ANO3: variants seen among roughly 807,000 people sequenced by gnomAD.
ANO3 encodes anoctamin-3.
A neutral mutation model predicts 144.8 loss-of-function variants in ANO3; 99 were observed. That is an observed-to-expected ratio of 0.68 (90% CI 0.58 to 0.81). The LOEUF is 0.81. Ranked by LOEUF, ANO3 falls within the 30% of genes least tolerant of loss-of-function variation. ANO3 has a pLI of 0.00. For missense variants in ANO3, 905 were observed against 1,202.2 expected (o/e 0.75, Z 3.66); for synonymous variants, 414 against 392.6 (o/e 1.05, Z -0.64).
chr11:26,258,307 T>G (rs541696408), intron 1 of ANO3, among the ~76,000 whole-genome samples: 99 of 152,270 alleles, frequency 6.5e-4, no homozygotes, highest in African/African-American at 2.3e-3. Flanking sequence ...GAACAAAAAA[T>G]GTATTATAAT....
At chr11:26,528,612 C>T (rs1213066926) in intron 7 of ANO3, among the ~76,000 whole-genome samples, 1 of 152,074 alleles carries the variant, frequency 6.6e-6, no homozygotes. Context: ...TCCTGCTAGC[C>T]TCCTAATGAA....
intron 14 of ANO3, among the ~76,000 whole-genome samples, chr11:26,567,706 A>G (rs1268795970): frequency 6.6e-6 from 1 of 152,022 alleles, no homozygotes; most frequent in African/African-American, 2.4e-5. Flanking sequence ...TCTACTTAAA[A>G]ATAAAAGCTG....
intron 1 of ANO3, among the ~76,000 whole-genome samples, chr11:26,394,946 G>A (rs949164926): frequency 6.6e-6 from 1 of 152,078 alleles, no homozygotes; most frequent in Non-Finnish European, 1.5e-5. Flanking sequence ...CTCAGAATTA[G>A]TAATCAATAA....
At chr11:26,281,106 G>A (rs1564946780) in intron 1 of ANO3, among the ~76,000 whole-genome samples, 1 of 152,050 alleles carries the variant, frequency 6.6e-6, no homozygotes, top group African/African-American at 2.4e-5. Context: ...CTTAATTCTT[G>A]TTATAACCCT....
chr11:26,454,858 CA>C (rs1480373206), intron 3 of ANO3, among the ~76,000 whole-genome samples: 1 of 151,366 alleles, frequency 6.6e-6, no homozygotes, highest in African/African-American at 2.4e-5. Context: ...AGCAGCACAT[CA>C]AAAAGCTTAT....
chr11:26,325,425 A>T (rs1291511700), intron 1 of ANO3, among the ~76,000 whole-genome samples: 1 of 152,190 alleles, frequency 6.6e-6, no homozygotes, highest in Admixed American at 6.5e-5. Flanking sequence ...GTTTTACTGA[A>T]TATTTTCCAA....
chr11:26,330,378 CTG>C (rs1426570661), upstream of ANO3, among the ~76,000 whole-genome samples: 4 of 152,142 alleles, frequency 2.6e-5, no homozygotes, highest in Admixed American at 2.0e-4. Flanking sequence ...AGTCTCTGAA[CTG>C]TGTTTTAGAT....
At chr11:26,631,193 C>T (rs1852767223) in intron 18 of ANO3, among the ~76,000 whole-genome samples, 1 of 152,006 alleles carries the variant, frequency 6.6e-6, no homozygotes, top group Admixed American at 6.6e-5. Context: ...GGAGTCTTCT[C>T]TCTTTTCTCA....
At chr11:26,540,025 A>G (rs1214961336) in intron 10 of ANO3, among the ~76,000 whole-genome samples, 2 of 152,124 alleles carry the variant, frequency 1.3e-5, no homozygotes, top group Non-Finnish European at 2.9e-5. Flanking sequence ...CACCGCATAT[A>G]TTGTCCTCTT....
At chr11:26,263,057 G>T (rs1434770387) in intron 1 of ANO3, among the ~76,000 whole-genome samples, 3 of 152,072 alleles carry the variant, frequency 2.0e-5, no homozygotes, top group African/African-American at 7.2e-5. Context: ...CAATTTTGTT[G>T]CCCATATTCT....
chr11:26,564,290 T>C (rs1290417691), intron 14 of ANO3, among the ~76,000 whole-genome samples: 4 of 151,654 alleles, frequency 2.6e-5, no homozygotes, highest in African/African-American at 9.7e-5. Context: ...AAAAAGCCTA[T>C]ATTTCAGAAT....
At chr11:26,432,854 T>G (rs1858165332) in intron 1 of ANO3, among the ~76,000 whole-genome samples, 1 of 152,226 alleles carries the variant, frequency 6.6e-6, no homozygotes, top group Non-Finnish European at 1.5e-5. Context: ...AGGTTTATTC[T>G]TTTTGCTTAG....
At chr11:26,642,751 A>C (rs1853208915) in intron 22 of ANO3, among the ~76,000 whole-genome samples, 1 of 152,080 alleles carries the variant, frequency 6.6e-6, no homozygotes, top group Non-Finnish European at 1.5e-5. Context: ...TCTGAATCTT[A>C]ACTTCTGAAT....
At chr11:26,211,763 T>A (rs879885199) in intron 1 of ANO3, among the ~76,000 whole-genome samples, 1 of 152,228 alleles carries the variant, frequency 6.6e-6, no homozygotes, top group Non-Finnish European at 1.5e-5. Context: ...CTATAACATG[T>A]TTGTTTATTG....
At chr11:26,658,281 T>C (rs1853759798) in intron 26 of ANO3, among the ~76,000 whole-genome samples, 1 of 152,210 alleles carries the variant, frequency 6.6e-6, no homozygotes, top group African/African-American at 2.4e-5. Context: ...AATTATAAAA[T>C]ACTTCTGCAT....
At chr11:26,555,144 T>G (rs1360588309) in intron 13 of ANO3, among the ~76,000 whole-genome samples, 5 of 152,204 alleles carry the variant, frequency 3.3e-5, no homozygotes, top group Non-Finnish European at 5.9e-5. Context: ...GAACAAATGT[T>G]TAGTTTTTCA....
At chr11:26,259,358 T>C (rs1275681614) in intron 1 of ANO3, among the ~76,000 whole-genome samples, 2 of 151,988 alleles carry the variant, frequency 1.3e-5, no homozygotes, top group African/African-American at 4.8e-5. Context: ...GAATAGAAAG[T>C]GATAAAAATG....
chr11:26,660,612 G>C lies in ANO3; in HGVS notation c.*168G>C, dbSNP rs1438009210. On this transcript the variant is annotated 3_prime_UTR_variant, in exon 27 of 27. Coordinates refer to ENST00000256737, the MANE Select transcript of ANO3 (RefSeq NM_031418.4). ...TCTGGGATTTGAAATATCCAGACTT[G>C]TAGGGAAGAAAACAATGACTTGACG... The C allele has an allele frequency of 1.7e-6, 1 of 603,572 alleles. No homozygotes were observed. The highest frequency in any genetic ancestry group is 2.7e-6 in the Non-Finnish European group (1 of 364,918). The allele number at this position is 603,572 out of a possible 1,614,324, so 37.4% of individuals were successfully genotyped here. A position where few individuals can be genotyped will look rare whatever the true frequency, so the allele number is the denominator to read the frequency against.
intron 24 of ANO3, among the ~76,000 whole-genome samples, chr11:26,650,320 A>G (rs946430408): frequency 6.6e-6 from 1 of 152,176 alleles, no homozygotes; most frequent in African/African-American, 2.4e-5. Flanking sequence ...CAACGAATGG[A>G]GTGAAGCCAG....
Sources: gnomAD v4.1 joint callset for allele counts (sites outside exome capture counted in the v4.1 genomes callset) on GRCh38, gnomAD v4.1.1 for gene constraint, MANE v1.5 for transcripts, NCBI Gene and HGNC (gene_info 2026-07-23, HGNC 2026-07-21) for gene names.